PPM1A: variants seen among roughly 807,000 people sequenced by gnomAD.
The protein encoded by PPM1A is protein phosphatase, Mg2+/Mn2+ dependent 1A, also known as protein phosphatase 1A.
PPM1A carries 7 observed loss-of-function variants against 35.0 expected under a neutral mutation model. That is an observed-to-expected ratio of 0.20 (90% CI 0.11 to 0.38). The LOEUF (loss-of-function observed/expected upper bound fraction) is 0.38. Among genes scored for constraint, PPM1A ranks in the 10% least tolerant of loss-of-function variants. The pLI, the probability that PPM1A is intolerant of heterozygous loss-of-function variation, is 1.00. For synonymous variants in PPM1A, 153 were observed against 167.3 expected (o/e 0.91, Z 0.66); for missense variants, 239 against 467.8 (o/e 0.51, Z 4.51).
intron 1 of PPM1A, among the ~76,000 whole-genome samples, chr14:60,262,376 C>T (rs1401604138): frequency 6.6e-6 from 1 of 152,158 alleles, no homozygotes; most frequent in Non-Finnish European, 1.5e-5. Context: ...ATTGGAGGGA[C>T]TTTCTAGAAC....
upstream of PPM1A, chr14:60,245,985 G>A: frequency 6.3e-7 from 1 of 1,577,974 alleles, no homozygotes; most frequent in South Asian, 1.2e-5. The surrounding 1 kb of genome is among the most constrained non-coding windows in gnomAD (Gnocchi z 4.2). Flanking sequence ...GAGAGAGAAG[G>A]AGAAATGAGA....
At chr14:60,271,308 T>C (rs1310027334) in intron 1 of PPM1A, among the ~76,000 whole-genome samples, 1 of 152,230 alleles carries the variant, frequency 6.6e-6, no homozygotes. Context: ...TCTCTCCATC[T>C]CAAGATTCTT....
Position 60,249,628 on chromosome 14 carries a change from C to A in PPM1A, c.-70C>A. 8 of 986,972 alleles carry A rather than the reference C, an allele frequency of 8.1e-6. No homozygotes were observed. The highest frequency in any genetic ancestry group is 9.6e-6 in the Non-Finnish European group (8 of 831,520). 61.1% of individuals were successfully genotyped at this position (986,972 alleles called of 1,614,324 possible). ...GCGGTGACCCCCTCCCCGGCTGCCG[C>A]CGCCGCCGCCTCGGCCGACCAGGGA... On this transcript the variant is annotated 5_prime_UTR_variant, in exon 1 of 6. Transcript: ENST00000395076. This position sits in a 1 kb window ranked among gnomAD's most constrained non-coding sequence, Gnocchi z 4.5.
upstream of PPM1A, among the ~76,000 whole-genome samples, chr14:60,247,091 T>G (rs1158821381): frequency 6.6e-6 from 1 of 152,182 alleles, no homozygotes; most frequent in African/African-American, 2.4e-5. Flanking sequence ...ATGGTTGCCA[T>G]ATGAGCTTTT....
chr14:60,284,464 AC>A (rs1886728390), intron 2 of PPM1A, among the ~76,000 whole-genome samples: 1 of 152,008 alleles, frequency 6.6e-6, no homozygotes, highest in South Asian at 2.1e-4. Context: ...ACACAGTGAA[AC>A]CCCGTCTCTA....
At chr14:60,267,175 A>G (rs1433627704) in intron 1 of PPM1A, 1 of 152,124 alleles carries the variant, frequency 6.6e-6, no homozygotes, top group African/African-American at 2.4e-5. Context: ...GCCTTGGCTT[A>G]TCTCAATAAC....
At position 60,292,432 on chromosome 14, in the gene PPM1A, AT is replaced by A; in HGVS notation, c.1120-17del. On this transcript the variant is annotated intron_variant, in intron 5 of 5. Coordinates refer to ENST00000395076, the MANE Select transcript of PPM1A (RefSeq NM_021003.5). This position sits in a 1 kb window ranked among gnomAD's most constrained non-coding sequence, Gnocchi z 4.2. ...CCGCTAAATTTTAACGTTGTTCCTT[AT>A]TTTGCTTCCTTTTACAAAGGACTCT... The A allele has an allele frequency of 6.3e-7, 1 of 1,580,408 alleles. No homozygotes were observed. Among genetic ancestry groups the A allele is most frequent in the Non-Finnish European group, 8.7e-7 (1 of 1,150,862 alleles).
upstream of PPM1A, among the ~76,000 whole-genome samples, chr14:60,246,935 G>A (rs901870234): frequency 6.6e-6 from 1 of 152,276 alleles, no homozygotes; most frequent in East Asian, 1.9e-4. Flanking sequence ...TCCAAGTGCA[G>A]AACAGAGAGA....
rs1165154565 is a variant in PPM1A, at chr14:60,249,447, C to T, written c.-251C>T. The T allele has an allele frequency of 9.1e-6, 9 of 985,214 alleles. No homozygotes were observed. In the African/African-American group the frequency reaches 1.6e-4, roughly 17 times the overall value. 61.0% of individuals were successfully genotyped at this position (985,214 alleles called of 1,614,324 possible). ...TCCTTCTCCGGGACCCGCTCTCTGC[C>T]TCCCTCTCCAACGCCCGGATGATCT... is the stretch of plus-strand genomic sequence containing the variant. On this transcript the variant is annotated 5_prime_UTR_variant, in exon 1 of 6. Coordinates refer to ENST00000395076, the MANE Select transcript of PPM1A (RefSeq NM_021003.5). This position sits in a 1 kb window ranked among gnomAD's most constrained non-coding sequence, Gnocchi z 4.5.
intron 1 of PPM1A, among the ~76,000 whole-genome samples, chr14:60,255,667 A>G (rs1018186284): frequency 1.9e-4 from 29 of 152,340 alleles, no homozygotes; most frequent in African/African-American, 6.7e-4. Context: ...AGGAGGAGGT[A>G]GTAGAAGTAG....
In PPM1A at chr14:60,298,353, A is replaced by C. The variant is rs1888215614; in HGVS notation, c.*5871A>C. The C allele has an allele frequency of 1.3e-5, 2 of 151,912 alleles. No homozygotes were observed. The highest frequency in any genetic ancestry group is 4.1e-4 in the South Asian group (2 of 4,822). The allele number at this position is 151,912 out of a possible 1,614,324, so 9.4% of individuals were successfully genotyped here. A position where few individuals can be genotyped will look rare whatever the true frequency, so the allele number is the denominator to read the frequency against. On this transcript the variant is annotated 3_prime_UTR_variant, in exon 6 of 6. Transcript: ENST00000395076. ...AATGTTCAATTCATTTCATATTCTA[A>C]GGAATTAGGTTATTTACTTACTAAT... is the stretch of plus-strand genomic sequence containing the variant.
chr14:60,285,736 TAGA>T lies in PPM1A; in HGVS notation c.950_952del (p.Glu318del). The T allele has an allele frequency of 6.2e-7, 1 of 1,611,962 alleles. No individual in the cohort carries two copies. Among genetic ancestry groups the T allele is most frequent in the Non-Finnish European group, 8.5e-7 (1 of 1,179,268 alleles). On this transcript the variant is annotated inframe_deletion and splice_region_variant, in exon 3 of 6. Coordinates refer to ENST00000395076, the MANE Select transcript of PPM1A (RefSeq NM_021003.5). ...TTGGACAAGTACCTGGAATGCAGAG[TAGA>T]AGGTGGATCATTTAACAAAAAATAA...
At chr14:60,246,259 G>A (rs557243239), upstream of PPM1A, among the ~76,000 whole-genome samples, 1 of 152,158 alleles carries the variant, frequency 6.6e-6, no homozygotes, top group Non-Finnish European at 1.5e-5. Context: ...GAGCAGGAAT[G>A]TAAACCTTTT....
chr14:60,268,341 T>C, intron 1 of PPM1A: 1 of 980,292 alleles, frequency 1.0e-6, no homozygotes, highest in Non-Finnish European at 1.2e-6. Context: ...AAATTTGTTT[T>C]CCGAGAACTG....
Position 60,249,230 on chromosome 14 carries a change from G to A in PPM1A, c.-468G>A. The A allele has an allele frequency of 2.0e-6, 2 of 988,144 alleles. No individual in the cohort carries two copies. Among genetic ancestry groups the A allele is most frequent in the South Asian group, 4.5e-5 (1 of 22,160 alleles). 61.2% of individuals were successfully genotyped at this position (988,144 alleles called of 1,614,324 possible). A position where few individuals can be genotyped will look rare whatever the true frequency, so the allele number is the denominator to read the frequency against. On this transcript the variant is annotated 5_prime_UTR_variant, in exon 1 of 6. Transcript: ENST00000395076. The surrounding 1 kb of genome is among the most constrained non-coding windows in gnomAD (Gnocchi z 4.5). The stretch of plus-strand genomic sequence containing the variant: ...TGCGCGGGGCCGCGCTAGAGGCGGC[G>A]GCGGCGGCGGTGGCGGCGCTAGGGA...
chr14:60,265,481 A>AGTTCAGTGGCTTG (rs1425849752), intron 1 of PPM1A, among the ~76,000 whole-genome samples: 1 of 152,194 alleles, frequency 6.6e-6, no homozygotes, highest in African/African-American at 2.4e-5. Context: ...GTATTTAAAG[A>AGTTCAGTGGCTTG]GTTCAGTGGC....
Position 60,249,544 on chromosome 14 carries a change from G to C in PPM1A, c.-154G>C. 1 of 984,950 alleles carries C rather than the reference G, an allele frequency of 1.0e-6. No homozygotes were observed. Among genetic ancestry groups the C allele is most frequent in the Non-Finnish European group, 1.2e-6 (1 of 829,362 alleles). 61.0% of individuals were successfully genotyped at this position (984,950 alleles called of 1,614,324 possible). On this transcript the variant is annotated 5_prime_UTR_variant, in exon 1 of 6. Transcript: ENST00000395076. This position sits in a 1 kb window ranked among gnomAD's most constrained non-coding sequence, Gnocchi z 4.5. ...CCTCCCCTCCTCCGCCCCTTCCCCA[G>C]CCTGACCTGGCCCGCCGCTGCAGCG...
In PPM1A at chr14:60,283,246, T is replaced by C; in HGVS notation, c.543T>C (p.Ser181=). ...AACGAATTCAGAATGCAGGTGGCTC[T>C]GTAATGATTCAGCGTGTGAATGGCT... ...EKERIQNAGG[S]VMIQRVNGSL... Residue 181 remains serine (S), a synonymous_variant, in exon 2 of 6, where the codon TCT becomes TCC. Coordinates refer to ENST00000395076, the MANE Select transcript of PPM1A (RefSeq NM_021003.5). This position sits in a 1 kb window ranked among gnomAD's most constrained non-coding sequence, Gnocchi z 6.3. 6.2e-7 allele frequency: 1 copy of C among 1,614,266 alleles called. No individual in the cohort carries two copies.
chr14:60,255,658 G>GGA (rs1439441396), intron 1 of PPM1A, among the ~76,000 whole-genome samples: 5 of 152,210 alleles, frequency 3.3e-5, no homozygotes, highest in Non-Finnish European at 7.3e-5. Context: ...GATTGTTGTA[G>GGA]GAGGAGGTAG....
Sources: allele counts gnomAD v4.1 joint callset (sites outside exome capture counted in the v4.1 genomes callset), GRCh38; gene constraint gnomAD v4.1.1; non-coding constraint Gnocchi (gnomAD v3.1); transcripts MANE v1.5; gene names NCBI Gene and HGNC (gene_info 2026-07-23, HGNC 2026-07-21).